The following NHSL1 variants were observed in gnomAD, a reference collection of about 807,000 sequenced individuals.
NHSL1 encodes the protein NHS like 1, also known as NHS-like protein 1.
In NHSL1, 48 loss-of-function variants were observed where a neutral mutation model predicts 95.0. The observed-to-expected ratio is 0.51, with a 90% confidence interval of 0.40 to 0.64. The LOEUF (loss-of-function observed/expected upper bound fraction) is 0.64, where lower values mean the gene tolerates loss of function less well. NHSL1 is among the 30% of genes least tolerant of loss of function. The pLI is 0.00. For missense variants in NHSL1, 1,971 were observed against 2,077.7 expected (o/e 0.95, Z 1.00); for synonymous variants, 783 against 833.9 (o/e 0.94, Z 1.05).
At chr6:138,623,117 T>C (rs1401615554) in intron 1 of NHSL1, among the ~76,000 whole-genome samples, 1 of 152,192 alleles carries the variant, frequency 6.6e-6, no homozygotes, top group Admixed American at 6.5e-5. Flanking sequence ...CAATTTGGAT[T>C]TGCAAAATCA....
At chr6:138,558,439 C>G (rs1190410762) in intron 1 of NHSL1, among the ~76,000 whole-genome samples, 1 of 126,744 alleles carries the variant, frequency 7.9e-6, no homozygotes, top group Non-Finnish European at 1.7e-5. Context: ...TTTTTTTTTC[C>G]CTGAGACAGA....
chr6:138,525,744 G>T (rs1222979317), intron 1 of NHSL1, among the ~76,000 whole-genome samples: 2 of 152,020 alleles, frequency 1.3e-5, no homozygotes, highest in Non-Finnish European at 2.9e-5. Flanking sequence ...CAACTTAAGT[G>T]TTGGAGAAAT....
At chr6:138,571,775 G>A (rs886983864) in exon 1 of NHSL1, 4 of 1,552,174 alleles carry the variant, frequency 2.6e-6, no homozygotes, top group Non-Finnish European at 3.5e-6. Flanking sequence ...CCCACAAACC[G>A]AGAGCTCTCC....
At chr6:138,456,768 T>C (rs1777638619) in intron 3 of NHSL1, among the ~76,000 whole-genome samples, 1 of 151,976 alleles carries the variant, frequency 6.6e-6, no homozygotes, top group Non-Finnish European at 1.5e-5. Flanking sequence ...TTGGCAGTAC[T>C]TGGCATATGC....
At chr6:138,536,602 CTTTTTTTTTTTTTTT>C (rs563509738) in intron 1 of NHSL1, among the ~76,000 whole-genome samples, 2 of 80,020 alleles carry the variant, frequency 2.5e-5, no homozygotes, top group Non-Finnish European at 4.9e-5. Context: ...CATATGTCAT[CTTTTTTTTTTTTTTT>C]TTTTTTTTTT....
At chr6:138,541,921 C>G (rs928626112) in intron 1 of NHSL1, among the ~76,000 whole-genome samples, 1 of 152,200 alleles carries the variant, frequency 6.6e-6, no homozygotes, top group Non-Finnish European at 1.5e-5. Context: ...AAACACACTT[C>G]CCATGCAGCT....
At chr6:138,627,093 T>A (rs550230744) in intron 1 of NHSL1, among the ~76,000 whole-genome samples, 2 of 152,196 alleles carry the variant, frequency 1.3e-5, no homozygotes, top group South Asian at 4.1e-4. Context: ...ATTAATGAGA[T>A]GTTGATGAGA....
At chr6:138,690,343 C>A (rs1319778598) in intron 1 of NHSL1, among the ~76,000 whole-genome samples, 1 of 151,986 alleles carries the variant, frequency 6.6e-6, no homozygotes, top group African/African-American at 2.4e-5. Context: ...GTGAAAGAAA[C>A]CACAAAAATT....
At chr6:138,666,778 G>A (rs1785301226) in intron 1 of NHSL1, among the ~76,000 whole-genome samples, 2 of 152,110 alleles carry the variant, frequency 1.3e-5, no homozygotes, top group African/African-American at 4.8e-5. Context: ...CAATAACACA[G>A]AATGTGAGGA....
intron 1 of NHSL1, among the ~76,000 whole-genome samples, chr6:138,596,765 G>A (rs1188388177): frequency 6.6e-6 from 1 of 152,146 alleles, no homozygotes; most frequent in South Asian, 2.1e-4. Flanking sequence ...TTCAATTGGC[G>A]GGGGTGGGGG....
chr6:138,655,382 G>A (rs775188494), intron 1 of NHSL1, among the ~76,000 whole-genome samples: 1 of 152,036 alleles, frequency 6.6e-6, no homozygotes, highest in Non-Finnish European at 1.5e-5. Flanking sequence ...CCGCTCTCCC[G>A]CTTGACCCAG....
rs1336055599 is a variant in NHSL1, at chr6:138,436,940, G to A, written c.665-3260C>T. 2.0e-5 allele frequency among the ~76,000 whole-genome samples: 3 copies of A among 152,106 alleles called. 1 individual carries two copies. The East Asian group carries it at 5.8e-4, about 29-fold the overall frequency. ...TGAATACTTTTAAGTCCACAGTTGAGATCTACTGCTCAGAAAAAAAAAGAT... is the reference window on the plus strand; with the variant it reads ...TGAATACTTTTAAGTCCACAGTTGAAATCTACTGCTCAGAAAAAAAAAGAT... On this transcript the variant is annotated intron_variant, in intron 5 of 7. Coordinates refer to ENST00000343505, the MANE Select transcript of NHSL1 (RefSeq NM_001144060.2).
At chr6:138,463,898 A>G (rs761870430) in intron 3 of NHSL1, among the ~76,000 whole-genome samples, 2 of 151,986 alleles carry the variant, frequency 1.3e-5, no homozygotes, top group Non-Finnish European at 2.9e-5. Flanking sequence ...TGTTTTATTT[A>G]CCTTCATAAC....
intron 1 of NHSL1, among the ~76,000 whole-genome samples, chr6:138,519,629 A>G (rs568995205): frequency 2.0e-5 from 3 of 152,122 alleles, no homozygotes; most frequent in East Asian, 1.9e-4. Flanking sequence ...CTTGTGAAAA[A>G]TTTTTACAAA....
chr6:138,684,648 AAAAC>A (rs1010510891), intron 1 of NHSL1, among the ~76,000 whole-genome samples: 8 of 151,806 alleles, frequency 5.3e-5, no homozygotes, highest in South Asian at 2.1e-4. Flanking sequence ...CCGTCTCAGA[AAAAC>A]AAACAAACAA....
chr6:138,623,370 T>A (rs984253519), intron 1 of NHSL1, among the ~76,000 whole-genome samples: 1 of 152,124 alleles, frequency 6.6e-6, no homozygotes, highest in Non-Finnish European at 1.5e-5. Flanking sequence ...CCCTCTACAG[T>A]GTCTGTCTGG....
At chr6:138,606,834 C>G (rs1424390709) in intron 1 of NHSL1, among the ~76,000 whole-genome samples, 1 of 151,570 alleles carries the variant, frequency 6.6e-6, no homozygotes, top group African/African-American at 2.4e-5. Flanking sequence ...TCTCGAATAG[C>G]TGGGACTACA....
rs564715659 is a variant in NHSL1 at position 138,594,407 on chromosome 6, G to A, written c.97-98036C>T. ...CGCGGGGCTTCTGCAACTCCTCCCC[G>A]GCTCTAAGCAAAAACAGCCCCTGTA... On this transcript the variant is annotated intron_variant, in intron 1 of 3. Coordinates refer to the NHSL1 transcript ENST00000491526. Among the ~76,000 whole-genome samples the A allele has an allele frequency of 9.2e-5, 14 of 152,070 alleles. No individual in the cohort carries two copies. In the South Asian group the frequency reaches 2.5e-3, roughly 27 times the overall value.
intron 1 of NHSL1, among the ~76,000 whole-genome samples, chr6:138,550,887 A>G (rs1175692856): frequency 1.3e-5 from 2 of 152,146 alleles, no homozygotes; most frequent in African/African-American, 4.8e-5. Context: ...AGCCCAGATA[A>G]AGATGGAAAA....
Sources: gnomAD v4.1 joint callset for allele counts (sites outside exome capture counted in the v4.1 genomes callset) on GRCh38, gnomAD v4.1.1 for gene constraint, MANE v1.5 for transcripts, NCBI Gene and HGNC (gene_info 2026-07-23, HGNC 2026-07-21) for gene names.